The following TEX10 variants were observed in gnomAD, a reference collection of about 807,000 sequenced individuals.
TEX10 encodes the protein testis-expressed protein 10.
Under a neutral mutation model 104.4 loss-of-function variants are expected in TEX10, and 24 were observed. The ratio of observed to expected loss-of-function variants is 0.23; its 90% CI spans 0.17 to 0.32. TEX10 has a LOEUF of 0.32. Among genes scored for constraint, TEX10 ranks in the 10% least tolerant of loss-of-function variants. TEX10 has a pLI of 1.00. For synonymous variants in TEX10, 396 were observed against 393.4 expected, an observed-to-expected ratio of 1.01 and a Z score of -0.08; for missense variants, 921 against 1,083.9, an observed-to-expected ratio of 0.85 and a Z score of 2.11.
At position 100,326,490 on chromosome 9, in the gene TEX10, G is replaced by C; in HGVS notation, c.1802-11C>G. 6.3e-7 allele frequency: 1 copy of C among 1,596,772 alleles called. No individual in the cohort carries two copies. The highest frequency in any genetic ancestry group is 8.5e-7 in the Non-Finnish European group (1 of 1,171,982). On this transcript the variant is annotated splice_polypyrimidine_tract_variant and intron_variant, in intron 8 of 14. Coordinates refer to ENST00000374902, the MANE Select transcript of TEX10 (RefSeq NM_017746.4). ...CACCTTCTTGTGGATCTAGTGAGGT[G>C]GATAGACATATTAAAAACAACTATA...
intron 6 of TEX10, among the ~76,000 whole-genome samples, chr9:100,329,628 TAA>T (rs1376689095): frequency 2.6e-5 from 4 of 152,140 alleles, no homozygotes; most frequent in East Asian, 1.9e-4. Context: ...AGAAAAAAGG[TAA>T]AGAGACAGGG....
chr9:100,352,326 T>G, intron 1 of TEX10: 1 of 1,547,668 alleles, frequency 6.5e-7, no homozygotes, highest in Non-Finnish European at 8.7e-7. Flanking sequence ...CTCGCTTAAC[T>G]CTCCCGCCTG....
Position 100,348,918 on chromosome 9 carries a change from T to A in TEX10, c.180+266A>T, listed in dbSNP as rs183629675. On this transcript the variant is annotated intron_variant, in intron 2 of 14. Transcript: ENST00000374902. ...AGAGTGAGACCTGTCTCAAAATAAA[T>A]AAATAAATAAATAAATAAATCATCA... is the stretch of plus-strand genomic sequence containing the variant. 1.4e-3 allele frequency among the ~76,000 whole-genome samples: 218 copies of A among 151,968 alleles called. 1 individual carries two copies. Among genetic ancestry groups the A allele is most frequent in the African/African-American group, 3.5e-3 (145 of 41,444 alleles).
intron 12 of TEX10, among the ~76,000 whole-genome samples, chr9:100,310,002 G>A (rs894536101): frequency 6.6e-6 from 1 of 152,130 alleles, no homozygotes; most frequent in Non-Finnish European, 1.5e-5. Context: ...CCAAGCACAC[G>A]TGAATTACAG....
rs778089128 is a variant in TEX10, at chr9:100,347,365, T to C, written c.222A>G (p.Lys74=). The C allele has an allele frequency of 3.1e-6, 5 of 1,610,854 alleles. No homozygotes were observed. Among genetic ancestry groups the C allele is most frequent in the Non-Finnish European group, 3.4e-6 (4 of 1,178,446 alleles). The change falls in exon 3 of 15, where the codon AAA becomes AAG. Residue 74 remains lysine (K), a synonymous_variant. Coordinates refer to ENST00000374902, the MANE Select transcript of TEX10 (RefSeq NM_017746.4). ...SQMHHYNAGV[K]QSALLGLKDL... is the part of the protein sequence containing the mutation. ...CTTTAAGTCCAAGAAGAGCACTTTG[T>C]TTAACCCCAGCATTGTAGTGATGCA...
chr9:100,349,004 TGGAAAGAC>T (rs1835371982), intron 2 of TEX10, among the ~76,000 whole-genome samples, 172 bp downstream of exon 2: 1 of 152,120 alleles, frequency 6.6e-6, no homozygotes, highest in Non-Finnish European at 1.5e-5. Context: ...CTGGAGGAAG[TGGAAAGAC>T]ACAGCTGCAT....
intron 1 of TEX10, chr9:100,352,458 G>A: frequency 6.4e-7 from 1 of 1,551,716 alleles, no homozygotes; most frequent in Middle Eastern, 1.7e-4. Flanking sequence ...TACTCCAAGG[G>A]ACGCCGGCCA....
At chr9:100,339,274 A>AAAAAAAAATTAT (rs1835101688) in intron 5 of TEX10, among the ~76,000 whole-genome samples, 2 of 91,702 alleles carry the variant, frequency 2.2e-5, no homozygotes, top group African/African-American at 9.2e-5. Context: ...AAAAAAAAAA[A>AAAAAAAAATTAT]GTATATATAT....
chr9:100,348,569 G>A (rs1835358361), intron 2 of TEX10, among the ~76,000 whole-genome samples: 1 of 152,128 alleles, frequency 6.6e-6, no homozygotes, highest in Admixed American at 6.6e-5. Flanking sequence ...CTAAAAAACA[G>A]CTAGAAAACT....
chr9:100,345,884 TA>T (rs34722911), intron 4 of TEX10, among the ~76,000 whole-genome samples, 187 bp downstream of exon 4: 20 of 152,040 alleles, frequency 1.3e-4, no homozygotes, highest in African/African-American at 3.4e-4. Context: ...TATATATATA[TA>T]TTCACAGATA....
chr9:100,310,391 G>C lies in TEX10; in HGVS notation c.2203-12C>G, dbSNP rs200911322. The C allele has an allele frequency of 2.1e-4, 342 of 1,610,524 alleles. 6 individuals carry two copies. In the East Asian group the frequency reaches 7.2e-3, roughly 34 times the overall value. On this transcript the variant is annotated splice_polypyrimidine_tract_variant and intron_variant, in intron 11 of 14. Transcript: ENST00000374902. Reference sequence around the variant, plus strand: ...CTGTGAAAAACTGCCTGTCAGAAAAGGAGAAAACCACTAACCAAATCAGAA... The same window carrying C: ...CTGTGAAAAACTGCCTGTCAGAAAACGAGAAAACCACTAACCAAATCAGAA...
intron 8 of TEX10, among the ~76,000 whole-genome samples, chr9:100,326,833 CTT>C (rs1834717277): frequency 6.6e-6 from 1 of 152,084 alleles, no homozygotes; most frequent in Non-Finnish European, 1.5e-5. Context: ...AAGCAAAAGA[CTT>C]TGTTTGCTGT....
At position 100,347,249 on chromosome 9, in the gene TEX10, T is replaced by C. The variant is rs2118936000; in HGVS notation, c.338A>G (p.Asn113Ser). The C allele has an allele frequency of 6.2e-7, 1 of 1,614,172 alleles. No individual in the cohort carries two copies. The highest frequency in any genetic ancestry group is 2.2e-5 in the East Asian group (1 of 44,874). The change falls in exon 3 of 15, where the codon AAT becomes AGT. Residue 113 changes from asparagine to serine, a missense_variant. Asn to Ser is a conservative substitution (Grantham distance 46). This residue lies in a region of TEX10 where 50 missense variants were observed against 104.2 expected (regional missense o/e 0.48). Transcript: ENST00000374902. ...VTAVFTDKDA[N>S]VRLAAVQLLQ... ...AAGTTGAACTGCTGCTAATCGTACA[T>C]TAGCATCTTTATCTGTAAACACAGC...
chr9:100,345,371 AAC>A (rs1432172172), intron 4 of TEX10, among the ~76,000 whole-genome samples: 1 of 152,222 alleles, frequency 6.6e-6, no homozygotes, highest in African/African-American at 2.4e-5. Context: ...ATAAAAATAA[AAC>A]AAAAACAAGA....
chr9:100,320,217 T>C (rs760931725), intron 11 of TEX10, 48 bp downstream of exon 11: 29 of 1,532,060 alleles, frequency 1.9e-5, no homozygotes, highest in Non-Finnish European at 2.5e-5. Context: ...TACTGGTTGA[T>C]GAACTGAATT....
Position 100,329,969 on chromosome 9 carries a change from C to A in TEX10, c.1451G>T (p.Gly484Val). Residue 484 changes from glycine (G) to valine (V), a missense_variant, in exon 6 of 15, where the codon GGA (glycine) becomes GTA (valine). Transcript: ENST00000374902. ...LNSKQLNRLLGVSWRLMQIQP... is the reference protein window; with the variant it reads ...LNSKQLNRLLVVSWRLMQIQP... ...TATTTGCATTAACCTCCAGGATACT[C>A]CCAGCAATCTGTTCAGTTGCTTACT... The A allele has an allele frequency of 6.2e-7, 1 of 1,613,868 alleles. No homozygotes were observed. The highest frequency in any genetic ancestry group is 8.5e-7 in the Non-Finnish European group (1 of 1,179,856).
chr9:100,311,166 G>T (rs970483439), intron 11 of TEX10, among the ~76,000 whole-genome samples: 4 of 152,150 alleles, frequency 2.6e-5, no homozygotes, highest in Non-Finnish European at 5.9e-5. Flanking sequence ...GGAGGCCAAG[G>T]TGGGAGGACT....
chr9:100,332,081 G>A (rs1219108734), intron 5 of TEX10, among the ~76,000 whole-genome samples: 1 of 152,164 alleles, frequency 6.6e-6, no homozygotes, highest in Non-Finnish European at 1.5e-5. Context: ...AAATCCAGAC[G>A]GAGATGGCCA....
chr9:100,347,544 T>C (rs1008666133), intron 2 of TEX10, 138 bp from the exon 3 acceptor site: 3 of 564,896 alleles, frequency 5.3e-6, no homozygotes, highest in Non-Finnish European at 8.7e-6. Context: ...TAAATGTTAT[T>C]TAGCTTTTGT....
Sources: allele counts gnomAD v4.1 joint callset (sites outside exome capture counted in the v4.1 genomes callset), GRCh38; gene constraint gnomAD v4.1.1; regional missense constraint gnomAD v4.1.1; transcripts MANE v1.5; gene names NCBI Gene and HGNC (gene_info 2026-07-23, HGNC 2026-07-21).